The following ABCC9 variants were observed in gnomAD, a reference collection of about 807,000 sequenced individuals.
The protein encoded by ABCC9 is ATP-binding cassette sub-family C member 9.
ABCC9 carries 95 observed loss-of-function variants against 188.3 expected under a neutral mutation model. The ratio of observed to expected loss-of-function variants is 0.50; its 90% confidence interval spans 0.43 to 0.60. The LOEUF (loss-of-function observed/expected upper bound fraction) is 0.60, where lower values mean the gene tolerates loss of function less well. Among genes scored for constraint, ABCC9 ranks in the 20% least tolerant of loss-of-function variants. ABCC9 has a pLI of 0.00. For synonymous variants in ABCC9, 659 were observed against 652.7 expected, an observed-to-expected ratio of 1.01 and a Z score of -0.15; for missense variants, 1,102 against 1,876.3, an observed-to-expected ratio of 0.59 and a Z score of 7.62.
chr12:21,912,874 C>T lies in ABCC9; in HGVS notation c.1009G>A (p.Gly337Arg). ...ATTGAAAATCACCAGGAACTTACTC[C>T]AGTTGTGTTATTTGTCCCATTCTGG... ...ETQNGTNNTT[G>R]ISETLSSKEF... Residue 337 changes from glycine to arginine, a missense_variant and splice_region_variant, in exon 8 of 40, where the codon GGA becomes AGA. Physicochemically the swap from Gly to Arg is moderately radical, Grantham distance 125. Transcript: ENST00000261200. 6.2e-7 allele frequency: 1 copy of T among 1,612,920 alleles called. No homozygotes were observed. Among genetic ancestry groups the T allele is most frequent in the South Asian group, 1.1e-5 (1 of 91,032 alleles).
At chr12:21,870,960 A>G (rs1450302469) in intron 18 of ABCC9, among the ~76,000 whole-genome samples, 1 of 152,172 alleles carries the variant, frequency 6.6e-6, no homozygotes, top group Non-Finnish European at 1.5e-5. Flanking sequence ...TTGGGGGTCA[A>G]TTTAGCTCAA....
At chr12:21,829,805 G>A (rs1943652661) in intron 30 of ABCC9, among the ~76,000 whole-genome samples, 1 of 152,194 alleles carries the variant, frequency 6.6e-6, no homozygotes, top group African/African-American at 2.4e-5. Context: ...AACACAGTTA[G>A]AGTTGGGTGG....
At chr12:21,935,207 G>A (rs1949438415) in intron 3 of ABCC9, among the ~76,000 whole-genome samples, 1 of 152,080 alleles carries the variant, frequency 6.6e-6, no homozygotes, top group African/African-American at 2.4e-5. Flanking sequence ...AATAACTGGG[G>A]AATTATTAAT....
At chr12:21,814,997 A>G (rs1038330830) in intron 34 of ABCC9, among the ~76,000 whole-genome samples, 15 of 152,048 alleles carry the variant, frequency 9.9e-5, no homozygotes, top group Admixed American at 2.0e-4. Flanking sequence ...AGCCTGGGCA[A>G]TATTGCAAAA....
Position 21,857,248 on chromosome 12 carries a change from A to T in ABCC9, c.2505+2338T>A, listed in dbSNP as rs375542500. 1.2e-4 allele frequency among the ~76,000 whole-genome samples: 19 copies of T among 152,306 alleles called. 1 individual carries two copies. Among genetic ancestry groups the T allele is most frequent in the African/African-American group, 4.6e-4 (19 of 41,580 alleles). The stretch of plus-strand genomic sequence containing the variant: ...CTTATATAAACACTATACATCAGGG[A>T]TTAAGAAAAGTTATACAAAATATGT... On this transcript the variant is annotated intron_variant, in intron 22 of 39. Coordinates refer to ENST00000261200, the MANE Select transcript of ABCC9 (RefSeq NM_020297.4).
In ABCC9 at chr12:21,806,049, C is replaced by T; in HGVS notation, c.4461G>A (p.Leu1487=). The T allele has an allele frequency of 6.2e-7, 1 of 1,611,708 alleles. No individual in the cohort carries two copies. Among genetic ancestry groups the T allele is most frequent in the Non-Finnish European group, 8.5e-7 (1 of 1,178,980 alleles). The part of the protein sequence containing the change: ...ASIDMATENI[L]QKVVMTAFAD... ...CAAAGGCTGTCATTACTACTTTTTG[C>T]AAAATATTCTCCTGCAAAAAAAAAA... Residue 1487 remains leucine (L), a synonymous_variant, in exon 39 of 40, where the codon TTG becomes TTA. Coordinates refer to ENST00000261200, the MANE Select transcript of ABCC9 (RefSeq NM_020297.4).
chr12:21,896,372 A>G (rs958253741), intron 12 of ABCC9, among the ~76,000 whole-genome samples: 8 of 152,160 alleles, frequency 5.3e-5, no homozygotes, highest in Non-Finnish European at 8.8e-5. Flanking sequence ...CACTGATCTG[A>G]GTTTTGTAAT....
At chr12:21,939,808 G>A (rs910270451) in intron 2 of ABCC9, among the ~76,000 whole-genome samples, 1 of 152,192 alleles carries the variant, frequency 6.6e-6, no homozygotes, top group African/African-American at 2.4e-5. Context: ...TGCTTCTAAC[G>A]TATGTCTATG....
At chr12:21,875,511 C>T in intron 17 of ABCC9, 143 bp downstream of exon 17, 1 of 638,308 alleles carries the variant, frequency 1.6e-6, no homozygotes, top group Non-Finnish European at 2.7e-6. Flanking sequence ...GACACAGTGG[C>T]TCGCAAGCAC....
intron 4 of ABCC9, among the ~76,000 whole-genome samples, chr12:21,927,121 CAAAT>C (rs774932417): frequency 5.9e-5 from 9 of 152,174 alleles, no homozygotes; most frequent in Non-Finnish European, 1.2e-4. Context: ...ACAGAATGTG[CAAAT>C]ACATAGAAGC....
chr12:21,917,160 A>G, intron 5 of ABCC9, 57 bp from the exon 6 acceptor site: 1 of 1,544,900 alleles, frequency 6.5e-7, no homozygotes, highest in Admixed American at 1.7e-5. Context: ...CATCACTAGC[A>G]TTTGAATGTA....
chr12:21,850,478 A>G (rs938016136), intron 24 of ABCC9, among the ~76,000 whole-genome samples: 2 of 152,034 alleles, frequency 1.3e-5, no homozygotes, highest in Non-Finnish European at 2.9e-5. Flanking sequence ...TCTACCTTGT[A>G]ACTGGATTTA....
intron 2 of ABCC9, among the ~76,000 whole-genome samples, chr12:21,939,859 C>T (rs894109595): frequency 6.6e-6 from 1 of 152,204 alleles, no homozygotes; most frequent in Non-Finnish European, 1.5e-5. Context: ...AATTATCTAA[C>T]TTACGATTTC....
At chr12:21,803,130 T>A (rs531852874) in intron 39 of ABCC9, among the ~76,000 whole-genome samples, 193 of 152,066 alleles carry the variant, frequency 1.3e-3, no homozygotes, top group African/African-American at 4.3e-3. Flanking sequence ...GCCTAATGTT[T>A]ATTTATCTTT....
chr12:21,915,161 A>G (rs1254997235), intron 7 of ABCC9, among the ~76,000 whole-genome samples: 1 of 151,072 alleles, frequency 6.6e-6, no homozygotes, highest in Non-Finnish European at 1.5e-5. Flanking sequence ...TCGGCCTCCC[A>G]AAGTGCTGGG....
intron 16 of ABCC9, among the ~76,000 whole-genome samples, chr12:21,881,167 CAG>C (rs1278664945): frequency 6.6e-6 from 1 of 151,958 alleles, no homozygotes; most frequent in African/African-American, 2.4e-5. Context: ...AATTATATCT[CAG>C]GGAAAAATAT....
At chr12:21,900,395 C>T (rs570157407) in intron 12 of ABCC9, among the ~76,000 whole-genome samples, 71 of 152,248 alleles carry the variant, frequency 4.7e-4, no homozygotes, top group Non-Finnish European at 2.9e-5. Context: ...TTCTAAAAAT[C>T]AGAGCACCTC....
At chr12:21,915,280 A>ATACATGTGTATATATATG (rs1330943844) in intron 7 of ABCC9, among the ~76,000 whole-genome samples, 2 of 6,394 alleles carry the variant, frequency 3.1e-4, no homozygotes, top group South Asian at 0.038. Context: ...GTGTATATAT[A>ATACATGTGTATATATATG]TGTGTGTATA....
chr12:21,904,535 A>G (rs1947936834), intron 12 of ABCC9, among the ~76,000 whole-genome samples: 2 of 152,352 alleles, frequency 1.3e-5, no homozygotes, highest in East Asian at 3.9e-4. Context: ...CTCATCTGAC[A>G]AAGGGCTAAT....
Sources: gnomAD v4.1 joint callset for allele counts (sites outside exome capture counted in the v4.1 genomes callset) on GRCh38, gnomAD v4.1.1 for gene constraint, MANE v1.5 for transcripts, NCBI Gene and HGNC (gene_info 2026-07-23, HGNC 2026-07-21) for gene names.